Variants in FUT8 observed in about 807,000 individuals in gnomAD.
The protein encoded by FUT8 is alpha-(1,6)-fucosyltransferase.
In FUT8, 29 loss-of-function variants were observed where a neutral mutation model predicts 71.3. That is an observed-to-expected ratio of 0.41 (90% confidence interval 0.30 to 0.55). The LOEUF is 0.55. Among genes scored for constraint, FUT8 ranks in the 20% least tolerant of loss-of-function variants. FUT8 has a pLI of 0.34. For missense variants in FUT8, 544 were observed against 702.1 expected, an observed-to-expected ratio of 0.77 and a Z score of 2.55; for synonymous variants, 254 against 239.3, an observed-to-expected ratio of 1.06 and a Z score of -0.57.
rs1345152795 is a variant in FUT8 at position 65,705,298 on chromosome 14, A to G, written c.836-16477A>G. ...GATGTTCACTTTTTAATAGTATAACATATCTTTCCTCCCTATTTTAAGTGA... is the reference window on the plus strand; with the variant it reads ...GATGTTCACTTTTTAATAGTATAACGTATCTTTCCTCCCTATTTTAAGTGA... On this transcript the variant is annotated intron_variant, in intron 7 of 10. Coordinates refer to ENST00000673929, the MANE Select transcript of FUT8 (RefSeq NM_001371533.1). Among the ~76,000 whole-genome samples the G allele has an allele frequency of 3.3e-5, 5 of 152,352 alleles. No individual in the cohort carries two copies. In the East Asian group the frequency reaches 5.8e-4, roughly 18 times the overall value.
intron 2 of FUT8, among the ~76,000 whole-genome samples, chr14:65,522,841 C>G (rs780089332): frequency 2.8e-4 from 43 of 150,976 alleles, no homozygotes; most frequent in Admixed American, 1.3e-3. Context: ...ACTGTCCTTG[C>G]GATAGTTTGC....
chr14:65,507,707 G>A (rs1239550573), intron 2 of FUT8, among the ~76,000 whole-genome samples: 1 of 152,172 alleles, frequency 6.6e-6, no homozygotes, highest in African/African-American at 2.4e-5. Context: ...GTCTGCTAAT[G>A]GACACTTAGC....
chr14:65,413,899 C>T lies in FUT8; in HGVS notation c.-326+685C>T, dbSNP rs531885727. ...TGGGTTGTCGGGTGCAGCACCTGTTCTTTCTTCACAGTGGGGATTGCAATC... is the reference window on the plus strand; with the variant it reads ...TGGGTTGTCGGGTGCAGCACCTGTTTTTTCTTCACAGTGGGGATTGCAATC... On this transcript the variant is annotated intron_variant, in intron 1 of 10. Transcript: ENST00000673929. This position sits in a 1 kb window ranked among gnomAD's most constrained non-coding sequence, Gnocchi z 4.1. Among the ~76,000 whole-genome samples the T allele has an allele frequency of 6.6e-6, 1 of 152,222 alleles. No homozygotes were observed. Among genetic ancestry groups the T allele is most frequent in the South Asian group, 2.1e-4 (1 of 4,822 alleles).
chr14:65,629,445 G>T, intron 5 of FUT8, 47 bp from the exon 6 acceptor site: 1 of 1,190,228 alleles, frequency 8.4e-7, no homozygotes. Flanking sequence ...GTAATCCAGT[G>T]AAGCAGTACA....
At chr14:65,487,937 C>T (rs1042536088) in intron 2 of FUT8, among the ~76,000 whole-genome samples, 3 of 152,150 alleles carry the variant, frequency 2.0e-5, no homozygotes, top group Non-Finnish European at 4.4e-5. Flanking sequence ...AAGTGATCTT[C>T]CTGTCTAAGC....
chr14:65,471,086 T>C (rs2066137118), intron 2 of FUT8: 3 of 467,704 alleles, frequency 6.4e-6, no homozygotes, highest in Non-Finnish European at 4.4e-6. Flanking sequence ...ACAAGAGCTG[T>C]ACTGATGTGG....
At chr14:65,487,469 A>C (rs1001867566) in intron 2 of FUT8, among the ~76,000 whole-genome samples, 1 of 150,622 alleles carries the variant, frequency 6.6e-6, no homozygotes, top group Non-Finnish European at 1.5e-5. Context: ...AGGCTGAGGC[A>C]GGAGAATCAC....
At chr14:65,536,762 G>A (rs1884339237) in intron 2 of FUT8, among the ~76,000 whole-genome samples, 1 of 152,096 alleles carries the variant, frequency 6.6e-6, no homozygotes, top group African/African-American at 2.4e-5. Context: ...GTATTTTGCA[G>A]GGGTTCTCTG....
chr14:65,421,957 T>C (rs1385249170), intron 1 of FUT8, among the ~76,000 whole-genome samples: 1 of 152,042 alleles, frequency 6.6e-6, no homozygotes, highest in Non-Finnish European at 1.5e-5. Flanking sequence ...ATGGTTTCTT[T>C]ATTGGCATTC....
At chr14:65,629,424 T>C in intron 5 of FUT8, 68 bp from the exon 6 acceptor site, 1 of 951,822 alleles carries the variant, frequency 1.1e-6, no homozygotes, top group East Asian at 2.4e-5. Flanking sequence ...GCATTCTTCT[T>C]AAGACTTTGT....
chr14:65,540,455 G>A (rs1336295023), intron 2 of FUT8, among the ~76,000 whole-genome samples: 2 of 152,160 alleles, frequency 1.3e-5, no homozygotes, highest in African/African-American at 4.8e-5. Context: ...GTAATAACTG[G>A]AGCATTAACA....
At chr14:65,684,923 A>T (rs931274804) in intron 7 of FUT8, among the ~76,000 whole-genome samples, 6 of 152,214 alleles carry the variant, frequency 3.9e-5, no homozygotes, top group Admixed American at 3.9e-4. Flanking sequence ...TAATACATGC[A>T]TTTTGGTAAA....
At chr14:65,573,402 T>A (rs1468873890) in intron 3 of FUT8, among the ~76,000 whole-genome samples, 3 of 152,136 alleles carry the variant, frequency 2.0e-5, no homozygotes, top group Admixed American at 6.5e-5. Context: ...TAACTTTCAA[T>A]ATTTGGAAAA....
chr14:65,690,198 G>A (rs894350002), intron 7 of FUT8, among the ~76,000 whole-genome samples: 1 of 152,126 alleles, frequency 6.6e-6, no homozygotes, highest in African/African-American at 2.4e-5. Flanking sequence ...CCATCTCTAT[G>A]TGGGTCTTTT....
intron 2 of FUT8, among the ~76,000 whole-genome samples, chr14:65,476,348 A>G (rs1488338561): frequency 2.0e-5 from 3 of 152,204 alleles, no homozygotes; most frequent in Non-Finnish European, 4.4e-5. Flanking sequence ...TTGTGCAATG[A>G]CAAAGCTTCA....
chr14:65,407,992 G>A (rs1473957129), upstream of FUT8, among the ~76,000 whole-genome samples: 3 of 152,058 alleles, frequency 2.0e-5, no homozygotes, highest in Non-Finnish European at 2.9e-5. Context: ...GTTTATCCTG[G>A]TCCTAATGGT....
At chr14:65,361,304 C>T in the FUT8 span, among the ~76,000 whole-genome samples, 49 of 145,392 alleles carry the variant, frequency 3.4e-4, no homozygotes, top group Admixed American at 2.3e-3. Flanking sequence ...TGTGGTGAGC[C>T]GAGATTGTGC....
chr14:65,439,588 T>G (rs2065610591), intron 1 of FUT8, among the ~76,000 whole-genome samples: 1 of 152,094 alleles, frequency 6.6e-6, no homozygotes, highest in South Asian at 2.1e-4. Context: ...TGAAGGGGGT[T>G]CCTAGCTGGT....
At chr14:65,575,900 G>A (rs1249625259) in intron 3 of FUT8, among the ~76,000 whole-genome samples, 2 of 152,240 alleles carry the variant, frequency 1.3e-5, no homozygotes, top group African/African-American at 4.8e-5. Flanking sequence ...GATTACAAGT[G>A]TGAGCCAGAA....
Sources: allele counts gnomAD v4.1 joint callset (sites outside exome capture counted in the v4.1 genomes callset), GRCh38; gene constraint gnomAD v4.1.1; non-coding constraint Gnocchi (gnomAD v3.1); transcripts MANE v1.5; gene names NCBI Gene and HGNC (gene_info 2026-07-23, HGNC 2026-07-21).